COL6A1: variants seen among roughly 807,000 people sequenced by gnomAD.
The protein encoded by COL6A1 is collagen type VI alpha 1 chain, also known as collagen alpha-1(VI) chain.
Under a neutral mutation model 145.6 loss-of-function variants are expected in COL6A1, and 80 were observed. That is an observed-to-expected ratio of 0.55 (90% CI 0.46 to 0.66). The LOEUF is 0.66. Among genes scored for constraint, COL6A1 ranks in the 30% least tolerant of loss-of-function variants. The probability of loss-of-function intolerance (pLI) is 0.00; values close to 1 mark genes in which losing one functional copy is unlikely to be tolerated. For missense variants in COL6A1, 1,364 were observed against 1,473.8 expected, an observed-to-expected ratio of 0.93 and a Z score of 1.22; for synonymous variants, 638 against 622.8, an observed-to-expected ratio of 1.02 and a Z score of -0.36.
chr21:45,999,460 G>A, intron 26 of COL6A1, 197 bp from the exon 27 acceptor site: 1 of 756,072 alleles, frequency 1.3e-6, no homozygotes. Flanking sequence ...ACCTGGGATG[G>A]CCGCCTGGAC....
chr21:45,990,826 C>T lies in COL6A1; in HGVS notation c.1056C>T (p.Asp352=), dbSNP rs116343553. 7.9e-4 allele frequency: 1,271 copies of T among 1,613,360 alleles called. 12 individuals are homozygous for T. In the African/African-American group the frequency reaches 0.013, roughly 16 times the overall value. Residue 352 remains aspartate, a splice_region_variant and synonymous_variant, in exon 14 of 35, where the codon GAC becomes GAT. Transcript: ENST00000361866. ...GCTGCAAGGGCTCGCCCGGGTTTGA[C>T]GTAAGTCACTTCCTCTCACTGATAC... ...LPGCKGSPGF[D]GIQGPPGPKG...
chr21:46,002,759 G>A (rs973513594), intron 33 of COL6A1, 49 bp downstream of exon 33: 32 of 1,534,856 alleles, frequency 2.1e-5, no homozygotes, highest in South Asian at 5.8e-5. Flanking sequence ...AGGTGCGCGC[G>A]GGGCCGCCCG....
chr21:45,991,948 T>C, intron 15 of COL6A1, 62 bp from the exon 16 acceptor site: 1 of 1,520,030 alleles, frequency 6.6e-7, no homozygotes, highest in South Asian at 1.2e-5. Flanking sequence ...ATGTGGCCTC[T>C]GATGGCTGCA....
At position 45,997,688 on chromosome 21, in the gene COL6A1, C is replaced by A. The variant is rs929294611; in HGVS notation, c.1462-12C>A. The A allele has an allele frequency of 6.3e-7, 1 of 1,582,432 alleles. No homozygotes were observed. ...TAAGCCTGCTCCCCTCACGCCTCCT[C>A]TTCCTCCTCAGGGTGCCAGAGGAGC... On this transcript the variant is annotated splice_polypyrimidine_tract_variant and intron_variant, in intron 21 of 34. Transcript: ENST00000361866.
At position 45,997,407 on chromosome 21, in the gene COL6A1, C is replaced by A; in HGVS notation, c.1399-14C>A. Reference sequence around the variant, plus strand: ...AGGCCTGTGGTCCAACGTGCCATATCCATCTCTCTACAGGGCGAGGCTGGC... The same window carrying A: ...AGGCCTGTGGTCCAACGTGCCATATACATCTCTCTACAGGGCGAGGCTGGC... On this transcript the variant is annotated splice_polypyrimidine_tract_variant and intron_variant, in intron 20 of 34. Coordinates refer to ENST00000361866, the MANE Select transcript of COL6A1 (RefSeq NM_001848.3). 3 of 1,612,648 alleles carry A rather than the reference C, an allele frequency of 1.9e-6. No homozygotes were observed. The highest frequency in any genetic ancestry group is 2.5e-6 in the Non-Finnish European group (3 of 1,179,558).
Position 45,984,278 on chromosome 21 carries a change from C to T in COL6A1, c.237C>T (p.Arg79=). ...FIDNLRDRYY[R]CDRNLVWNAG... ...TGCCTGTTCCTGGCAGGTACTACCG[C>T]TGTGACCGAAACCTGGTGTGGAACG... Residue 79 remains arginine, a synonymous_variant, in exon 3 of 35, where the codon CGC becomes CGT. Coordinates refer to ENST00000361866, the MANE Select transcript of COL6A1 (RefSeq NM_001848.3). 1 of 1,607,866 alleles carries T rather than the reference C, an allele frequency of 6.2e-7. No individual in the cohort carries two copies. The highest frequency in any genetic ancestry group is 8.5e-7 in the Non-Finnish European group (1 of 1,177,788).
At chr21:45,992,944 A>C in intron 19 of COL6A1, 134 bp downstream of exon 19, 1 of 767,632 alleles carries the variant, frequency 1.3e-6, no homozygotes, top group Non-Finnish European at 2.1e-6. Flanking sequence ...GCCCATCCCC[A>C]CGCCGTCAGG....
chr21:46,002,112 C>A, intron 31 of COL6A1, 42 bp downstream of exon 31: 1 of 1,587,316 alleles, frequency 6.3e-7, no homozygotes, highest in Non-Finnish European at 8.6e-7. Context: ...CCCCTCGCCC[C>A]GACCGCTGTT....
At position 46,004,163 on chromosome 21, in the gene COL6A1, CTGCCTGCTTTG is replaced by C; in HGVS notation, c.*154_*164del. On this transcript the variant is annotated 3_prime_UTR_variant, in exon 35 of 35. Coordinates refer to ENST00000361866, the MANE Select transcript of COL6A1 (RefSeq NM_001848.3). Reference sequence around the variant, plus strand: ...CTTGGAAAGCCAGGACACAACGCTGCTGCCTGCTTTGTGCAGGGTCCTCCGGGGCTCAGCCC... The same window carrying C: ...CTTGGAAAGCCAGGACACAACGCTGCTGCAGGGTCCTCCGGGGCTCAGCCC... 1 of 1,110,050 alleles carries C rather than the reference CTGCCTGCTTTG, an allele frequency of 9.0e-7. No individual in the cohort carries two copies. Among genetic ancestry groups the C allele is most frequent in the Non-Finnish European group, 1.3e-6 (1 of 777,462 alleles). The allele number at this position is 1,110,050 out of a possible 1,614,324, so 68.8% of individuals were successfully genotyped here.
rs772673965 is a variant in COL6A1, at chr21:46,003,407, G to A, written c.2481G>A (p.Pro827=). 28 of 1,600,724 alleles carry A rather than the reference G, an allele frequency of 1.7e-5. No homozygotes were observed. The highest frequency in any genetic ancestry group is 8.9e-5 in the East Asian group (4 of 44,852). ...DYTCPITFSS[P]ADITILLDGS... is the part of the protein sequence containing the mutation. ...GCCCCGCAGTCACGTTCTCCTCCCCGGCTGACATCACCATCCTGCTGGACG... is the reference window on the plus strand; with the variant it reads ...GCCCCGCAGTCACGTTCTCCTCCCCAGCTGACATCACCATCCTGCTGGACG... Residue 827 remains proline (P), a synonymous_variant, in exon 35 of 35, where the codon CCG becomes CCA. Coordinates refer to ENST00000361866, the MANE Select transcript of COL6A1 (RefSeq NM_001848.3).
Position 46,003,504 on chromosome 21 carries a change from C to G in COL6A1, c.2578C>G (p.Leu860Val), listed in dbSNP as rs1409230259. The G allele has an allele frequency of 1.2e-6, 2 of 1,611,496 alleles. No homozygotes were observed. The highest frequency in any genetic ancestry group is 1.7e-6 in the Non-Finnish European group (2 of 1,179,516). Reference protein sequence around the residue: ...RFAKRLAERFLTAGRTDPAHD... With the variant: ...RFAKRLAERFVTAGRTDPAHD... ...CGCCAAGCGCCTGGCCGAGCGCTTC[C>G]TCACAGCGGGCAGGACGGACCCCGC... The change falls in exon 35 of 35, where the codon CTC (leucine) becomes GTC (valine). Residue 860 changes from leucine to valine, a missense_variant. Leu to Val is a conservative substitution (Grantham distance 32). Around this residue, in one of 3 missense-constraint regions of COL6A1, gnomAD observed 938 missense variants for 1,003.8 expected, o/e 0.93. Coordinates refer to ENST00000361866, the MANE Select transcript of COL6A1 (RefSeq NM_001848.3).
intron 1 of COL6A1, among the ~76,000 whole-genome samples, 157 bp from the exon 2 acceptor site, chr21:45,982,477 C>T (rs963628340): frequency 3.9e-5 from 6 of 152,194 alleles, no homozygotes; most frequent in Non-Finnish European, 7.4e-5. Flanking sequence ...TCCCCACCGT[C>T]CCCACCGAGG....
At position 45,992,165 on chromosome 21, in the gene COL6A1, G is replaced by A. The variant is rs1252201328; in HGVS notation, c.1184G>A (p.Gly395Asp). 6.2e-7 allele frequency: 1 copy of A among 1,613,574 alleles called. No homozygotes were observed. The highest frequency in any genetic ancestry group is 8.5e-7 in the Non-Finnish European group (1 of 1,180,020). ...PGSSGPSGDE[G>D]QPGEPGPPGE... ...CCATTCAACCCTTGTTCCCCACAGG[G>A]CCAGCCGGGAGAGCCTGGGCCCCCC... Residue 395 changes from glycine (G) to aspartate (D), a missense_variant and splice_region_variant, in exon 17 of 35, where the codon GGC (glycine) becomes GAC (aspartate). Gly to Asp is a moderately conservative substitution (Grantham distance 94). Coordinates refer to ENST00000361866, the MANE Select transcript of COL6A1 (RefSeq NM_001848.3).
At position 45,998,413 on chromosome 21, in the gene COL6A1, A is replaced by C; in HGVS notation, c.1591A>C (p.Arg531=). 1.2e-6 allele frequency: 2 copies of C among 1,612,954 alleles called. No homozygotes were observed. Among genetic ancestry groups the C allele is most frequent in the Non-Finnish European group, 1.7e-6 (2 of 1,179,874 alleles). The change falls in exon 24 of 35, where the codon AGG becomes CGG. Residue 531 remains arginine (R), a synonymous_variant. Transcript: ENST00000361866. ...TCCATGACAGGGGTATCCGGGCAACAGGGGCGCTCCCGGGATAAACGTGAG... is the reference window on the plus strand; with the variant it reads ...TCCATGACAGGGGTATCCGGGCAACCGGGGCGCTCCCGGGATAAACGTGAG... ...FPGFPGYPGN[R]GAPGINGTKG... is the part of the protein sequence containing the mutation.
intron 19 of COL6A1, among the ~76,000 whole-genome samples, 186 bp from the exon 20 acceptor site, chr21:45,993,981 C>T (rs2077790778): frequency 6.6e-6 from 1 of 152,230 alleles, no homozygotes; most frequent in East Asian, 1.9e-4. Context: ...CATAGCCAGC[C>T]ACGCCGATGG....
rs780032842 is a variant in COL6A1 at position 46,002,299 on chromosome 21, G to A, written c.2148G>A (p.Pro716=). ...ALQYTRDQLL[P]PSPNNRIALV... ...AGTACACGCGGGACCAGCTGCTGCC[G>A]CCCAGCCCGAACAACCGCATCGCCC... The change falls in exon 32 of 35, where the codon CCG becomes CCA. Residue 716 remains proline (P), a synonymous_variant. Transcript: ENST00000361866. 3.3e-5 allele frequency: 53 copies of A among 1,593,244 alleles called. No homozygotes were observed. Among genetic ancestry groups the A allele is most frequent in the African/African-American group, 4.0e-5 (3 of 74,676 alleles).
At position 46,000,999 on chromosome 21, in the gene COL6A1, G is replaced by T. The variant is rs532414724; in HGVS notation, c.1822+232G>T. 46 of 693,958 alleles carry T rather than the reference G, an allele frequency of 6.6e-5. No homozygotes were observed. In the East Asian group the frequency reaches 1.2e-3, roughly 18 times the overall value. The allele number at this position is 693,958 out of a possible 1,614,324, so 43.0% of individuals were successfully genotyped here. On this transcript the variant is annotated intron_variant, in intron 29 of 34. Transcript: ENST00000361866. ...AAATAACCAGGAGCAGGCTTGGGGG[G>T]GTCCCTGCTCCATCATTCTGGCCCA... is the stretch of plus-strand genomic sequence containing the variant.
chr21:46,003,090 C>T (rs1384552504), intron 33 of COL6A1, 30 bp from the exon 34 acceptor site: 1 of 1,613,896 alleles, frequency 6.2e-7, no homozygotes, highest in Non-Finnish European at 8.5e-7. Context: ...GAGCAGTGGG[C>T]TCACACTGCA....
chr21:45,991,203 C>A (rs750280779), intron 15 of COL6A1, among the ~76,000 whole-genome samples, 162 bp downstream of exon 15: 1 of 152,202 alleles, frequency 6.6e-6, no homozygotes, highest in African/African-American at 2.4e-5. Flanking sequence ...AGAGGAGCAG[C>A]GGGGACAGTG....
Sources: gnomAD v4.1 joint callset for allele counts (sites outside exome capture counted in the v4.1 genomes callset) on GRCh38, gnomAD v4.1.1 for gene constraint, gnomAD v4.1.1 regional missense constraint, MANE v1.5 for transcripts, NCBI Gene and HGNC (gene_info 2026-07-23, HGNC 2026-07-21) for gene names.